DCC: variants seen among roughly 807,000 people sequenced by gnomAD.
The protein encoded by DCC is DCC netrin 1 receptor.
Under a neutral mutation model 172.5 loss-of-function variants are expected in DCC, and 58 were observed. The observed-to-expected ratio is 0.34, with a 90% CI of 0.27 to 0.42. The LOEUF (loss-of-function observed/expected upper bound fraction) is 0.42, where lower values mean the gene tolerates loss of function less well. Ranked by LOEUF, DCC falls within the 10% of genes least tolerant of loss-of-function variation. DCC has a pLI of 1.00. For synonymous variants in DCC, 709 were observed against 644.5 expected, an observed-to-expected ratio of 1.10 and a Z score of -1.52; for missense variants, 1,740 against 1,791.0, an observed-to-expected ratio of 0.97 and a Z score of 0.51.
intron 7 of DCC, among the ~76,000 whole-genome samples, chr18:53,066,384 T>A (rs1264921553): frequency 8.4e-6 from 1 of 118,838 alleles, no homozygotes; most frequent in Non-Finnish European, 1.6e-5. Context: ...TATATATATA[T>A]ATATATATAT....
intron 2 of DCC, among the ~76,000 whole-genome samples, chr18:52,802,376 A>C (rs959000229): frequency 3.9e-5 from 6 of 152,064 alleles, no homozygotes; most frequent in Non-Finnish European, 1.5e-5. Context: ...ATACATATAC[A>C]TGTATATATA....
intron 7 of DCC, among the ~76,000 whole-genome samples, chr18:53,093,680 G>A (rs914467113): frequency 6.6e-6 from 1 of 152,182 alleles, no homozygotes; most frequent in Non-Finnish European, 1.5e-5. Flanking sequence ...TAGTGCAGCT[G>A]CTATGGCACA....
At chr18:52,362,401 T>A (rs971857082) in intron 1 of DCC, among the ~76,000 whole-genome samples, 2 of 152,246 alleles carry the variant, frequency 1.3e-5, no homozygotes, top group Non-Finnish European at 2.9e-5. Context: ...TATCTCTTTA[T>A]GCTCTACGAC....
intron 13 of DCC, among the ~76,000 whole-genome samples, chr18:53,316,812 G>T (rs2057348983): frequency 1.3e-5 from 2 of 152,220 alleles, no homozygotes; most frequent in African/African-American, 4.8e-5. Context: ...CTGAGACTTT[G>T]CTGACATTGC....
chr18:52,403,947 A>G (rs1009581509), intron 1 of DCC, among the ~76,000 whole-genome samples: 1 of 152,074 alleles, frequency 6.6e-6, no homozygotes, highest in African/African-American at 2.4e-5. Context: ...AGCTTTAGTC[A>G]TGGGCAATTA....
At chr18:53,159,380 G>A (rs142593272) in intron 8 of DCC, among the ~76,000 whole-genome samples, 70 of 152,110 alleles carry the variant, frequency 4.6e-4, no homozygotes, top group African/African-American at 8.0e-4. Flanking sequence ...ACCATTCCTC[G>A]TGAAGTCTTG....
chr18:52,944,341 C>G (rs2040508585), intron 5 of DCC, among the ~76,000 whole-genome samples: 1 of 152,132 alleles, frequency 6.6e-6, no homozygotes. Context: ...TTCCAGAGTT[C>G]AGCTAAGGCT....
At chr18:52,619,800 A>G (rs1283202858) in intron 1 of DCC, among the ~76,000 whole-genome samples, 1 of 152,214 alleles carries the variant, frequency 6.6e-6, no homozygotes, top group African/African-American at 2.4e-5. Context: ...GAAATGGCAC[A>G]TGGATAAATT....
At chr18:53,526,316 A>C (rs2046454717) in intron 27 of DCC, among the ~76,000 whole-genome samples, 1 of 152,062 alleles carries the variant, frequency 6.6e-6, no homozygotes, top group Non-Finnish European at 1.5e-5. Flanking sequence ...CTTGCCTGAC[A>C]CTTTATAGGG....
intron 9 of DCC, among the ~76,000 whole-genome samples, chr18:53,196,863 A>C (rs1251833530): frequency 6.6e-6 from 1 of 152,074 alleles, no homozygotes; most frequent in Non-Finnish European, 1.5e-5. Context: ...GTGGTTTTGT[A>C]ATAGAAATCT....
intron 12 of DCC, among the ~76,000 whole-genome samples, chr18:53,275,908 G>A (rs1373243657): frequency 6.8e-6 from 1 of 146,808 alleles, no homozygotes; most frequent in Non-Finnish European, 1.5e-5. Context: ...GTTAAAGCAG[G>A]ATTTTTTAAC....
intron 21 of DCC, among the ~76,000 whole-genome samples, chr18:53,432,367 G>T (rs1383539016): frequency 6.6e-6 from 1 of 152,134 alleles, no homozygotes; most frequent in Non-Finnish European, 1.5e-5. Flanking sequence ...CTTCCCTGAG[G>T]ATCTAGGACT....
At chr18:53,101,182 G>C (rs2043167545) in intron 7 of DCC, among the ~76,000 whole-genome samples, 1 of 152,036 alleles carries the variant, frequency 6.6e-6, no homozygotes, top group African/African-American at 2.4e-5. Flanking sequence ...GCTAGTTCCA[G>C]GTGGCCCAAG....
At chr18:53,280,341 G>A (rs1395100413) in intron 12 of DCC, among the ~76,000 whole-genome samples, 1 of 152,050 alleles carries the variant, frequency 6.6e-6, no homozygotes, top group South Asian at 2.1e-4. Flanking sequence ...AGAGACATTT[G>A]TAGGTTTTAT....
intron 12 of DCC, among the ~76,000 whole-genome samples, chr18:53,279,348 G>A (rs2056841244): frequency 6.6e-6 from 1 of 151,706 alleles, no homozygotes; most frequent in African/African-American, 2.4e-5. Flanking sequence ...TCCTTTGTAG[G>A]GACATGGATG....
chr18:53,210,445 C>A (rs1459723972), intron 11 of DCC, among the ~76,000 whole-genome samples: 1 of 152,108 alleles, frequency 6.6e-6, no homozygotes, highest in African/African-American at 2.4e-5. Context: ...TACCAAAGTG[C>A]ACTTCACTTT....
Position 53,141,259 on chromosome 18 carries a change from A to G in DCC, c.1262-16097A>G, listed in dbSNP as rs12455900. On this transcript the variant is annotated intron_variant, in intron 7 of 28. Coordinates refer to ENST00000442544, the MANE Select transcript of DCC (RefSeq NM_005215.4). ...TAAAAAATAGTGAAATGATTTGAAT[A>G]TAGGGAATGGGAAAGTAAGAGAACC... Among the ~76,000 whole-genome samples, 318 of 152,298 alleles carry G rather than the reference A, an allele frequency of 2.1e-3. 6 individuals carry two copies. Among genetic ancestry groups the G allele is most frequent in the Admixed American group, 0.019 (288 of 15,288 alleles).
chr18:53,505,036 C>CTTCTAGGATCCTAATAATTAAATATTCT (rs2046154585), intron 27 of DCC, among the ~76,000 whole-genome samples: 2 of 152,036 alleles, frequency 1.3e-5, no homozygotes, highest in African/African-American at 4.8e-5. Context: ...TAAAAGGGGT[C>CTTCTAGGATCCTAATAATTAAATATTCT]TTCTAGGATC....
intron 2 of DCC, among the ~76,000 whole-genome samples, chr18:52,803,896 A>G (rs146442691): frequency 8.8e-4 from 134 of 152,272 alleles, no homozygotes; most frequent in African/African-American, 3.2e-3. Flanking sequence ...GATGAAATAG[A>G]TATTTTTAAT....
Sources: allele counts gnomAD v4.1 joint callset (sites outside exome capture counted in the v4.1 genomes callset), GRCh38; gene constraint gnomAD v4.1.1; transcripts MANE v1.5; gene names NCBI Gene and HGNC (gene_info 2026-07-23, HGNC 2026-07-21).